TAFA5: variants seen among roughly 807,000 people sequenced by gnomAD.
TAFA5 encodes the protein chemokine-like protein TAFA-5.
Under a neutral mutation model 15.3 loss-of-function variants are expected in TAFA5, and 6 were observed. The observed-to-expected ratio is 0.39, with a 90% CI of 0.21 to 0.77. TAFA5 has a LOEUF of 0.77. Ranked by LOEUF, TAFA5 falls within the 30% of genes least tolerant of loss-of-function variation. TAFA5 has a pLI of 0.41. For missense variants in TAFA5, 161 were observed against 193.1 expected, an observed-to-expected ratio of 0.83 and a Z score of 0.98; for synonymous variants, 103 against 80.7, an observed-to-expected ratio of 1.28 and a Z score of -1.48.
chr22:48,668,744 G>A (rs375647259), intron 2 of TAFA5, among the ~76,000 whole-genome samples: 1 of 151,544 alleles, frequency 6.6e-6, no homozygotes, highest in Non-Finnish European at 1.5e-5. Flanking sequence ...TCGGGGCCGC[G>A]TCTTCACTGG....
chr22:48,663,786 A>G (rs1472761089), intron 2 of TAFA5, among the ~76,000 whole-genome samples: 2 of 152,176 alleles, frequency 1.3e-5, no homozygotes, highest in African/African-American at 4.8e-5. Flanking sequence ...ATTAGTCACT[A>G]AGTAGCCGTC....
chr22:48,533,958 C>G (rs1169820464), intron 1 of TAFA5, among the ~76,000 whole-genome samples: 7 of 152,158 alleles, frequency 4.6e-5, no homozygotes. Flanking sequence ...CATAGTGGGT[C>G]AGCACCCCAA....
chr22:48,619,039 G>A (rs150689965), intron 1 of TAFA5, among the ~76,000 whole-genome samples: 1 of 152,348 alleles, frequency 6.6e-6, no homozygotes, highest in East Asian at 1.9e-4. Context: ...TGATGAATGA[G>A]ATGGATAAAC....
intron 1 of TAFA5, among the ~76,000 whole-genome samples, chr22:48,592,452 C>T (rs995882255): frequency 6.6e-6 from 1 of 152,238 alleles, no homozygotes; most frequent in African/African-American, 2.4e-5. Context: ...GGGCTTGGGA[C>T]GTTGCACTCA....
chr22:48,647,075 T>C (rs1926894314), intron 2 of TAFA5, among the ~76,000 whole-genome samples: 1 of 152,176 alleles, frequency 6.6e-6, no homozygotes, highest in African/African-American at 2.4e-5. Flanking sequence ...AGAGGGGTCA[T>C]CTGCAGGATG....
intron 3 of TAFA5, among the ~76,000 whole-genome samples, chr22:48,708,562 A>G (rs1199309853): frequency 2.6e-5 from 4 of 152,052 alleles, no homozygotes; most frequent in Non-Finnish European, 5.9e-5. Flanking sequence ...AGGGGAGCCC[A>G]CGCCCACGTG....
intron 2 of TAFA5, among the ~76,000 whole-genome samples, chr22:48,703,220 C>CGT (rs150446097): frequency 6.6e-6 from 1 of 151,880 alleles, no homozygotes; most frequent in African/African-American, 2.4e-5. Flanking sequence ...GTGATGTGTA[C>CGT]GTGTGTGTGT....
intron 2 of TAFA5, among the ~76,000 whole-genome samples, chr22:48,700,624 C>T (rs563686150): frequency 1.3e-5 from 2 of 152,154 alleles, no homozygotes; most frequent in African/African-American, 2.4e-5. Flanking sequence ...TCTTGGTACA[C>T]GTGAGTGTGC....
intron 3 of TAFA5, among the ~76,000 whole-genome samples, chr22:48,724,762 G>A (rs573742856): frequency 2.9e-4 from 44 of 152,214 alleles, no homozygotes; most frequent in Non-Finnish European, 5.3e-4. Flanking sequence ...GGGTCTAACC[G>A]TAGGACTTAG....
intron 1 of TAFA5, among the ~76,000 whole-genome samples, chr22:48,531,492 G>A (rs1306648370): frequency 6.6e-6 from 1 of 152,212 alleles, no homozygotes; most frequent in Admixed American, 6.5e-5. Context: ...GGTCCCTGAG[G>A]CCACAGTGGG....
intron 1 of TAFA5, among the ~76,000 whole-genome samples, chr22:48,645,812 T>C (rs1010212406): frequency 2.9e-4 from 44 of 152,110 alleles, no homozygotes; most frequent in African/African-American, 8.0e-4. Context: ...CTGGTGAGCC[T>C]GAGACCCCTG....
chr22:48,690,351 T>C (rs1443675926), intron 2 of TAFA5, among the ~76,000 whole-genome samples: 2 of 151,858 alleles, frequency 1.3e-5, no homozygotes, highest in Non-Finnish European at 2.9e-5. Context: ...GATAGGCAGG[T>C]GTGAGGGCCG....
chr22:48,647,329 A>G (rs1926903682), intron 2 of TAFA5, among the ~76,000 whole-genome samples: 1 of 152,114 alleles, frequency 6.6e-6, no homozygotes, highest in African/African-American at 2.4e-5. Context: ...CTGAGGGATG[A>G]TAGTGTTGCT....
chr22:48,544,891 A>T lies in TAFA5; in HGVS notation c.112+55187A>T, dbSNP rs142548418. ...CTGAAGTAAGCCAGACTCGGGGCTG[A>T]AGTCTGCATCTGTCCCACCTCCTGC... On this transcript the variant is annotated intron_variant, in intron 1 of 3. Transcript: ENST00000402357. 987 of 468,812 alleles carry T rather than the reference A, an allele frequency of 2.1e-3. 12 individuals are homozygous for T. The highest frequency in any genetic ancestry group is 0.018 in the African/African-American group (872 of 48,512). 29.0% of individuals were successfully genotyped at this position (468,812 alleles called of 1,614,324 possible).
rs1925952870 is a variant in TAFA5 at position 48,624,329 on chromosome 22, G to C, written c.113-22268G>C. The stretch of plus-strand genomic sequence containing the variant: ...ACCTGCCTGGGGTCGTGTGGGTCAG[G>C]TTCCTGCCCTGTGAGGTCGCTCTTT... On this transcript the variant is annotated intron_variant, in intron 1 of 3. Coordinates refer to ENST00000402357, the MANE Select transcript of TAFA5 (RefSeq NM_001082967.3). 2.0e-5 allele frequency among the ~76,000 whole-genome samples: 3 copies of C among 152,170 alleles called. No individual in the cohort carries two copies. The South Asian group carries it at 6.2e-4, about 32-fold the overall frequency.
At chr22:48,634,679 A>C (rs1926381287) in intron 1 of TAFA5, among the ~76,000 whole-genome samples, 1 of 88,798 alleles carries the variant, frequency 1.1e-5, no homozygotes, top group African/African-American at 3.8e-5. Context: ...TGAGTCACTC[A>C]GTCAATCACT....
At position 48,522,555 on chromosome 22, in the gene TAFA5, C is replaced by T. The variant is rs992355056; in HGVS notation, c.112+32851C>T. 2.6e-5 allele frequency among the ~76,000 whole-genome samples: 4 copies of T among 152,186 alleles called. No homozygotes were observed. In the East Asian group the frequency reaches 5.8e-4, roughly 22 times the overall value. On this transcript the variant is annotated intron_variant, in intron 1 of 3. Coordinates refer to ENST00000402357, the MANE Select transcript of TAFA5 (RefSeq NM_001082967.3). ...AAACTGAGGCTGCCTGGGGTGGGCG[C>T]GGGGCCAGGCAAGGTTAGGCCCCCA...
chr22:48,534,927 T>TC (rs1199209604), intron 1 of TAFA5, among the ~76,000 whole-genome samples: 1 of 152,116 alleles, frequency 6.6e-6, no homozygotes, highest in Admixed American at 6.5e-5. Flanking sequence ...AGCTGCAGCC[T>TC]CAGCACAGAC....
intron 1 of TAFA5, among the ~76,000 whole-genome samples, chr22:48,524,328 A>G (rs1205240001): frequency 6.6e-6 from 1 of 152,134 alleles, no homozygotes; most frequent in Admixed American, 6.5e-5. Context: ...CTCCTCTTTC[A>G]GGTGCAGGCT....
Sources: allele counts gnomAD v4.1 joint callset (sites outside exome capture counted in the v4.1 genomes callset), GRCh38; gene constraint gnomAD v4.1.1; transcripts MANE v1.5; gene names NCBI Gene and HGNC (gene_info 2026-07-23, HGNC 2026-07-21).